The following ORC5 variants were observed in gnomAD, a reference collection of about 807,000 sequenced individuals.
ORC5 encodes the protein protein phosphatase 1, regulatory subunit 117.
Under a neutral mutation model 58.8 loss-of-function variants are expected in ORC5, and 39 were observed. The observed-to-expected ratio is 0.66, with a 90% CI of 0.51 to 0.87. The LOEUF (loss-of-function observed/expected upper bound fraction) is 0.87. ORC5 is among the 40% of genes least tolerant of loss of function. The probability of loss-of-function intolerance (pLI) is 0.00; values close to 1 mark genes in which losing one functional copy is unlikely to be tolerated. For synonymous variants in ORC5, 218 were observed against 177.6 expected (o/e 1.23, Z -1.81); for missense variants, 493 against 506.3 (o/e 0.97, Z 0.25).
intron 8 of ORC5, among the ~76,000 whole-genome samples, chr7:104,170,349 G>C (rs1264418314): frequency 6.6e-6 from 1 of 152,168 alleles, no homozygotes; most frequent in African/African-American, 2.4e-5. Flanking sequence ...AAGGGACTTA[G>C]CAGATGTGAC....
chr7:104,158,273 A>T (rs954008222), intron 12 of ORC5, among the ~76,000 whole-genome samples: 1 of 152,168 alleles, frequency 6.6e-6, no homozygotes, highest in Non-Finnish European at 1.5e-5. Context: ...GGCTAGCCAT[A>T]TGTAGAAAGC....
At chr7:104,195,420 T>C (rs1159827451) in intron 4 of ORC5, among the ~76,000 whole-genome samples, 166 bp from the exon 5 acceptor site, 1 of 152,182 alleles carries the variant, frequency 6.6e-6, no homozygotes, top group Non-Finnish European at 1.5e-5. Flanking sequence ...AAGGAGCTCA[T>C]TCGTTTGCAA....
In ORC5 at chr7:104,196,149, G is replaced by A. The variant is rs558069919; in HGVS notation, c.442-895C>T. On this transcript the variant is annotated intron_variant, in intron 4 of 13. Transcript: ENST00000297431. ...TTTCTGTAATTGAAACTAAAAAACG[G>A]TGAAAAGTCCTAATTGTTGTGAAGG... 4.6e-5 allele frequency among the ~76,000 whole-genome samples: 7 copies of A among 152,160 alleles called. No homozygotes were observed. In the East Asian group the frequency reaches 1.2e-3, roughly 25 times the overall value.
At chr7:104,152,551 CATT>C (rs1306184999) in intron 12 of ORC5, among the ~76,000 whole-genome samples, 2 of 152,128 alleles carry the variant, frequency 1.3e-5, no homozygotes, top group Non-Finnish European at 2.9e-5. Flanking sequence ...ACAATCTAGT[CATT>C]AAGTTCTATC....
rs963917654 is a variant in ORC5, at chr7:104,207,973, C to A, written c.-69G>T. The A allele has an allele frequency of 6.2e-6, 9 of 1,446,640 alleles. No individual in the cohort carries two copies. The highest frequency in any genetic ancestry group is 5.7e-5 in the African/African-American group (4 of 70,490). The allele number at this position is 1,446,640 out of a possible 1,614,324, so 89.6% of individuals were successfully genotyped here. On this transcript the variant is annotated 5_prime_UTR_variant, in exon 1 of 14. Coordinates refer to ENST00000297431, the MANE Select transcript of ORC5 (RefSeq NM_002553.4). ...GACCCTTGCACAAGACGGAGCCTCT[C>A]CCGAGTCTGGCGGCCCACGCTCCCG...
chr7:104,159,583 T>C (rs186474228), intron 12 of ORC5, among the ~76,000 whole-genome samples: 131 of 104,562 alleles, frequency 1.3e-3, no homozygotes, highest in African/African-American at 3.1e-3. Context: ...TATAAGCTCA[T>C]TGAAAGAAAA....
At chr7:104,166,703 G>C (rs1433599456) in intron 10 of ORC5, 69 bp downstream of exon 10, 5 of 837,462 alleles carry the variant, frequency 6.0e-6, no homozygotes, top group Non-Finnish European at 9.8e-6. Flanking sequence ...AAATTTACAA[G>C]TGTTAAGAAA....
intron 6 of ORC5, among the ~76,000 whole-genome samples, chr7:104,185,978 T>C (rs1472052181): frequency 6.6e-6 from 1 of 152,018 alleles, no homozygotes; most frequent in South Asian, 2.1e-4. Context: ...TGATTTAAAA[T>C]AGAAAAATCT....
rs1050888400 is a variant in ORC5, at chr7:104,152,363, C to G, written c.1149+8709G>C. On this transcript the variant is annotated intron_variant, in intron 12 of 13. Coordinates refer to ENST00000297431, the MANE Select transcript of ORC5 (RefSeq NM_002553.4). ...CTCACTATGTTGCCCAGGCAGGTCT[C>G]GAACTCCTGGGTGCAAATGATCCTC... is the stretch of plus-strand genomic sequence containing the variant. 2.6e-5 allele frequency among the ~76,000 whole-genome samples: 4 copies of G among 152,198 alleles called. No individual in the cohort carries two copies. In the South Asian group the frequency reaches 8.3e-4, roughly 32 times the overall value.
Position 104,129,898 on chromosome 7 carries a change from A to G in ORC5, c.1263-3005T>C, listed in dbSNP as rs1798487481. On this transcript the variant is annotated intron_variant, in intron 13 of 13. Coordinates refer to ENST00000297431, the MANE Select transcript of ORC5 (RefSeq NM_002553.4). This position sits in a 1 kb window ranked among gnomAD's most constrained non-coding sequence, Gnocchi z 4.9. Reference sequence around the variant, plus strand: ...GAGTAATTCTTAAATCAGAATTTAGAATACGTTAATACAACTTAATTATAT... The same window carrying G: ...GAGTAATTCTTAAATCAGAATTTAGGATACGTTAATACAACTTAATTATAT... 6.6e-6 allele frequency among the ~76,000 whole-genome samples: 1 copy of G among 152,216 alleles called. No individual in the cohort carries two copies. Among genetic ancestry groups the G allele is most frequent in the South Asian group, 2.1e-4 (1 of 4,824 alleles).
chr7:104,184,926 C>T (rs904587010), intron 6 of ORC5, among the ~76,000 whole-genome samples: 1 of 152,158 alleles, frequency 6.6e-6, no homozygotes, highest in Non-Finnish European at 1.5e-5. Context: ...CCTTCCCTAA[C>T]CAAGTCTTTG....
chr7:104,158,783 A>C (rs1798972900), intron 12 of ORC5, among the ~76,000 whole-genome samples: 1 of 151,744 alleles, frequency 6.6e-6, no homozygotes, highest in African/African-American at 2.4e-5. Context: ...ATGAGATACC[A>C]TCTCACACCA....
intron 5 of ORC5, among the ~76,000 whole-genome samples, chr7:104,192,607 C>T (rs1799700073): frequency 6.6e-6 from 1 of 151,856 alleles, no homozygotes; most frequent in Non-Finnish European, 1.5e-5. Context: ...CAAAACACAA[C>T]AAAAAGCACA....
At chr7:104,196,929 T>C (rs1255595552) in intron 4 of ORC5, among the ~76,000 whole-genome samples, 2 of 152,172 alleles carry the variant, frequency 1.3e-5, no homozygotes, top group African/African-American at 4.8e-5. Flanking sequence ...ACCACAGCTA[T>C]TTCCCTCACC....
At chr7:104,160,034 C>A (rs749224554) in intron 12 of ORC5, among the ~76,000 whole-genome samples, 2 of 152,094 alleles carry the variant, frequency 1.3e-5, no homozygotes, top group African/African-American at 2.4e-5. Flanking sequence ...GATCTACCTA[C>A]CTATCTAGGT....
At chr7:104,197,644 T>A in intron 4 of ORC5, 81 bp downstream of exon 4, 1 of 835,084 alleles carries the variant, frequency 1.2e-6, no homozygotes, top group South Asian at 1.8e-5. Flanking sequence ...TTCTCACCTA[T>A]CAAATAGCAA....
intron 8 of ORC5, among the ~76,000 whole-genome samples, chr7:104,169,130 G>A (rs534313460): frequency 3.9e-5 from 6 of 151,982 alleles, no homozygotes; most frequent in African/African-American, 1.2e-4. Context: ...CCTACCACTC[G>A]GTAAAACTCC....
At chr7:104,128,577 GGTTA>G (rs1420250757) in intron 13 of ORC5, among the ~76,000 whole-genome samples, 1 of 151,738 alleles carries the variant, frequency 6.6e-6, no homozygotes. Context: ...ACAATGTGCA[GGTTA>G]GTTACATATG....
chr7:104,205,809 G>A (rs1372111442), intron 1 of ORC5, among the ~76,000 whole-genome samples: 1 of 152,138 alleles, frequency 6.6e-6, no homozygotes, highest in East Asian at 1.9e-4. Context: ...TTGAGTTCAG[G>A]AGTTCGCCTG....
Sources: allele counts gnomAD v4.1 joint callset (sites outside exome capture counted in the v4.1 genomes callset), GRCh38; gene constraint gnomAD v4.1.1; non-coding constraint Gnocchi (gnomAD v3.1); transcripts MANE v1.5; gene names NCBI Gene and HGNC (gene_info 2026-07-23, HGNC 2026-07-21).